The following OSBPL10 variants were observed in gnomAD, a reference collection of about 807,000 sequenced individuals.
OSBPL10 encodes oxysterol binding protein like 10.
OSBPL10 carries 49 observed loss-of-function variants against 81.7 expected under a neutral mutation model. The observed-to-expected ratio is 0.60, with a 90% CI of 0.48 to 0.76. The LOEUF is 0.76. Among genes scored for constraint, OSBPL10 ranks in the 30% least tolerant of loss-of-function variants. OSBPL10 has a pLI of 0.00. For missense variants in OSBPL10, 923 were observed against 987.8 expected, an observed-to-expected ratio of 0.93 and a Z score of 0.88; for synonymous variants, 419 against 383.6, an observed-to-expected ratio of 1.09 and a Z score of -1.08.
chr3:31,714,001 A>T (rs911353807), intron 6 of OSBPL10: 3 of 152,180 alleles, frequency 2.0e-5, no homozygotes, highest in African/African-American at 7.2e-5. Flanking sequence ...GCTTTCCCCT[A>T]TGGAAATGAG....
At chr3:31,885,211 A>C (rs1335408831) in intron 1 of OSBPL10, among the ~76,000 whole-genome samples, 2 of 152,168 alleles carry the variant, frequency 1.3e-5, no homozygotes, top group African/African-American at 4.8e-5. Context: ...TGATGCCCAC[A>C]AACATACATG....
In OSBPL10 at chr3:31,683,940, A is replaced by C; in HGVS notation, c.1420T>G (p.Leu474Val). Residue 474 changes from leucine (L) to valine (V), a missense_variant, in exon 8 of 12, where the codon TTA becomes GTA. Coordinates refer to ENST00000396556, the MANE Select transcript of OSBPL10 (RefSeq NM_017784.5). Reference protein sequence around the residue: ...TAFHEGRKGALAKKPYNPIIG... With the variant: ...TAFHEGRKGAVAKKPYNPIIG... ...ATGGGGTTGTAGGGCTTCTTGGCTA[A>C]AGCGCCCTTGCGGCCCTCGTGAAAG... 4 of 1,614,232 alleles carry C rather than the reference A, an allele frequency of 2.5e-6. No homozygotes were observed. The highest frequency in any genetic ancestry group is 3.4e-6 in the Non-Finnish European group (4 of 1,180,038).
intron 1 of OSBPL10, among the ~76,000 whole-genome samples, chr3:32,073,772 G>C (rs537175155): frequency 6.6e-6 from 1 of 151,936 alleles, no homozygotes; most frequent in Non-Finnish European, 1.5e-5. Context: ...TTACACTGCC[G>C]GTTTACATTG....
intron 1 of OSBPL10, among the ~76,000 whole-genome samples, chr3:31,907,652 T>C (rs1032412409): frequency 9.0e-6 from 1 of 110,650 alleles, no homozygotes; most frequent in Non-Finnish European, 1.8e-5. Context: ...AAAAAAAAAA[T>C]TTAAGTGATC....
At chr3:31,890,781 T>C (rs766933225) in intron 1 of OSBPL10, among the ~76,000 whole-genome samples, 7 of 152,170 alleles carry the variant, frequency 4.6e-5, no homozygotes, top group Non-Finnish European at 7.4e-5. Context: ...TGTCTTTAGG[T>C]GAAAATTTCG....
At chr3:31,860,001 G>T (rs1701019713) in intron 3 of OSBPL10, among the ~76,000 whole-genome samples, 1 of 152,094 alleles carries the variant, frequency 6.6e-6, no homozygotes, top group African/African-American at 2.4e-5. Flanking sequence ...TTCCATTTGG[G>T]CATGGAGAGT....
intron 1 of OSBPL10, among the ~76,000 whole-genome samples, chr3:31,883,580 G>A (rs568278333): frequency 6.9e-6 from 1 of 145,722 alleles, no homozygotes; most frequent in South Asian, 2.2e-4. Flanking sequence ...CTGTTAGGCA[G>A]GACTGCAATG....
chr3:32,048,284 T>C (rs1699640803), intron 1 of OSBPL10, among the ~76,000 whole-genome samples: 1 of 150,762 alleles, frequency 6.6e-6, no homozygotes, highest in African/African-American at 2.4e-5. Context: ...CATTATATAC[T>C]GTCATCTCTC....
chr3:31,836,894 C>T (rs1164130957), intron 3 of OSBPL10, among the ~76,000 whole-genome samples: 1 of 152,150 alleles, frequency 6.6e-6, no homozygotes, highest in Non-Finnish European at 1.5e-5. Context: ...CAATTCACTG[C>T]ATTTCTCATG....
At chr3:32,027,305 G>T (rs760333481) in intron 2 of OSBPL10, among the ~76,000 whole-genome samples, 27 of 152,082 alleles carry the variant, frequency 1.8e-4, no homozygotes, top group African/African-American at 6.5e-4. Flanking sequence ...TTAAAAATGC[G>T]AATACTATAT....
chr3:31,671,499 G>C (rs1186278124), intron 8 of OSBPL10, among the ~76,000 whole-genome samples: 1 of 152,148 alleles, frequency 6.6e-6, no homozygotes, highest in Non-Finnish European at 1.5e-5. Flanking sequence ...CAAGTCAGCA[G>C]GGGTCAGACC....
At chr3:31,675,015 T>A (rs1700429786) in intron 8 of OSBPL10, among the ~76,000 whole-genome samples, 1 of 152,200 alleles carries the variant, frequency 6.6e-6, no homozygotes, top group Non-Finnish European at 1.5e-5. Context: ...CTTCAGATGG[T>A]CTTATTGGGA....
intron 3 of OSBPL10, among the ~76,000 whole-genome samples, chr3:31,831,222 C>T (rs1700231814): frequency 1.3e-5 from 2 of 152,036 alleles, no homozygotes; most frequent in African/African-American, 4.8e-5. Flanking sequence ...GCCTGACCAA[C>T]ATGGAGAAAC....
intron 2 of OSBPL10, among the ~76,000 whole-genome samples, chr3:32,016,863 A>G (rs1277017939): frequency 6.6e-6 from 1 of 152,224 alleles, no homozygotes; most frequent in East Asian, 1.9e-4. Context: ...ATCTGTCTGC[A>G]TATGAGTATT....
intron 1 of OSBPL10, among the ~76,000 whole-genome samples, chr3:31,902,340 G>C (rs148048960): frequency 4.2e-5 from 6 of 143,842 alleles, no homozygotes; most frequent in Admixed American, 2.2e-4. Context: ...TCGGCTTACT[G>C]CAACCTCTGC....
chr3:31,713,185 A>T (rs1696320812), intron 6 of OSBPL10, among the ~76,000 whole-genome samples: 1 of 151,838 alleles, frequency 6.6e-6, no homozygotes, highest in South Asian at 2.1e-4. Context: ...GTGGCCCGTG[A>T]GGCCCTACAC....
intron 4 of OSBPL10, among the ~76,000 whole-genome samples, chr3:31,826,194 C>CA: frequency 6.6e-6 from 1 of 152,288 alleles, no homozygotes; most frequent in Non-Finnish European, 1.5e-5. Context: ...TTCATTCTTA[C>CA]TATACATCAC....
chr3:31,755,280 T>G (rs949262358), intron 4 of OSBPL10, among the ~76,000 whole-genome samples: 27 of 152,336 alleles, frequency 1.8e-4, no homozygotes, highest in African/African-American at 6.0e-4. Context: ...AGTCATTTTT[T>G]TATGCCTAAC....
intron 4 of OSBPL10, among the ~76,000 whole-genome samples, chr3:31,826,944 TTA>T (rs1185033482): frequency 6.6e-6 from 1 of 152,224 alleles, no homozygotes; most frequent in Non-Finnish European, 1.5e-5. Flanking sequence ...GTGTTGGCAC[TTA>T]TATGTCAACA....
Sources: allele counts gnomAD v4.1 joint callset (sites outside exome capture counted in the v4.1 genomes callset), GRCh38; gene constraint gnomAD v4.1.1; transcripts MANE v1.5; gene names NCBI Gene and HGNC (gene_info 2026-07-23, HGNC 2026-07-21).